CDH12: variants seen among roughly 807,000 people sequenced by gnomAD.
The protein encoded by CDH12 is cadherin 12, also known as cadherin-12.
Under a neutral mutation model 74.1 loss-of-function variants are expected in CDH12, and 41 were observed. The observed-to-expected ratio is 0.55, with a 90% CI of 0.43 to 0.72. The LOEUF (loss-of-function observed/expected upper bound fraction) is 0.72. Among genes scored for constraint, CDH12 ranks in the 30% least tolerant of loss-of-function variants. CDH12 has a pLI of 0.00. For missense variants in CDH12, 945 were observed against 977.2 expected, an observed-to-expected ratio of 0.97 and a Z score of 0.44; for synonymous variants, 399 against 355.0, an observed-to-expected ratio of 1.12 and a Z score of -1.39.
intron 6 of CDH12, among the ~76,000 whole-genome samples, chr5:21,941,658 G>A (rs1189283452): frequency 1.3e-5 from 2 of 151,924 alleles, no homozygotes; most frequent in Non-Finnish European, 2.9e-5. Flanking sequence ...TTTGCAAACT[G>A]TTTGCTGTTC....
chr5:22,059,506 A>G (rs1237576357), intron 5 of CDH12, among the ~76,000 whole-genome samples: 1 of 152,276 alleles, frequency 6.6e-6, no homozygotes. Context: ...ACAACACAAG[A>G]AAATTCCATT....
intron 5 of CDH12, among the ~76,000 whole-genome samples, chr5:22,008,598 T>C (rs577292832): frequency 6.6e-6 from 1 of 152,314 alleles, no homozygotes; most frequent in East Asian, 1.9e-4. Context: ...GGTTTGATCG[T>C]ATCCTTTGTT....
chr5:22,153,183 C>CTTTTT (rs70957094), intron 4 of CDH12, among the ~76,000 whole-genome samples: 1 of 138,490 alleles, frequency 7.2e-6, no homozygotes, highest in Non-Finnish European at 1.5e-5. Flanking sequence ...TTTTTCTTTT[C>CTTTTT]TTTTTTTTTT....
At chr5:21,821,539 A>G (rs1048051353) in intron 8 of CDH12, among the ~76,000 whole-genome samples, 1 of 151,940 alleles carries the variant, frequency 6.6e-6, no homozygotes, top group Non-Finnish European at 1.5e-5. Context: ...ACTTAAAAAA[A>G]AGGAAGTCAA....
intron 1 of CDH12, among the ~76,000 whole-genome samples, chr5:22,608,296 G>A (rs191403020): frequency 2.0e-5 from 3 of 152,326 alleles, no homozygotes; most frequent in Non-Finnish European, 4.4e-5. Context: ...AGTGAAAGGA[G>A]ATTATTTTGT....
chr5:22,113,782 G>T (rs1168038252), intron 4 of CDH12, among the ~76,000 whole-genome samples: 2 of 151,990 alleles, frequency 1.3e-5, no homozygotes, highest in Non-Finnish European at 2.9e-5. Flanking sequence ...TATCAAAATA[G>T]AATAATTTCT....
chr5:21,898,618 C>T (rs548428519), intron 6 of CDH12, among the ~76,000 whole-genome samples: 8 of 151,958 alleles, frequency 5.3e-5, no homozygotes, highest in Non-Finnish European at 4.4e-5. Flanking sequence ...AGGAGAATGG[C>T]GTGAACTTGG....
chr5:22,375,317 A>G (rs992648223), intron 3 of CDH12, among the ~76,000 whole-genome samples: 2 of 152,136 alleles, frequency 1.3e-5, no homozygotes, highest in African/African-American at 4.8e-5. Flanking sequence ...AGACTTACAC[A>G]TAAGAACTGA....
At chr5:22,365,870 T>C (rs895074161) in intron 3 of CDH12, among the ~76,000 whole-genome samples, 2 of 152,204 alleles carry the variant, frequency 1.3e-5, no homozygotes, top group African/African-American at 4.8e-5. Flanking sequence ...CAGAGGAGCA[T>C]TAACAGTTTA....
chr5:22,091,864 G>A (rs1743455463), intron 4 of CDH12, among the ~76,000 whole-genome samples: 1 of 151,814 alleles, frequency 6.6e-6, no homozygotes, highest in South Asian at 2.1e-4. Context: ...ACACCCAGAA[G>A]CCATAGAAAG....
chr5:22,479,814 G>C (rs1339088929), intron 2 of CDH12, among the ~76,000 whole-genome samples: 2 of 152,098 alleles, frequency 1.3e-5, no homozygotes, highest in African/African-American at 4.8e-5. Context: ...TTTTTGTAAT[G>C]TTTCATATGT....
intron 2 of CDH12, among the ~76,000 whole-genome samples, chr5:22,491,627 A>AC (rs1554044838): frequency 6.6e-6 from 1 of 151,284 alleles, no homozygotes; most frequent in South Asian, 2.1e-4. Context: ...AAAAACAAAA[A>AC]AAAAAACAAA....
chr5:22,040,928 A>C (rs1739529116), intron 5 of CDH12, among the ~76,000 whole-genome samples: 1 of 152,184 alleles, frequency 6.6e-6, no homozygotes, highest in African/African-American at 2.4e-5. Flanking sequence ...ATAGTACTAT[A>C]TAAATCATAT....
intron 5 of CDH12, among the ~76,000 whole-genome samples, chr5:22,058,550 T>C (rs565208000): frequency 2.0e-5 from 3 of 152,012 alleles, no homozygotes; most frequent in East Asian, 1.9e-4. Flanking sequence ...TTTTTGTATA[T>C]AGATTACCGC....
At chr5:22,467,324 C>T (rs1166875513) in intron 2 of CDH12, among the ~76,000 whole-genome samples, 3 of 152,136 alleles carry the variant, frequency 2.0e-5, no homozygotes, top group Non-Finnish European at 4.4e-5. Context: ...GATGGCCTGT[C>T]AAGAATCCCC....
At chr5:22,337,049 C>T (rs1425184648) in intron 3 of CDH12, among the ~76,000 whole-genome samples, 1 of 152,208 alleles carries the variant, frequency 6.6e-6, no homozygotes, top group Non-Finnish European at 1.5e-5. Context: ...GAATGGGAGA[C>T]ACAGAGTCAA....
intron 3 of CDH12, among the ~76,000 whole-genome samples, chr5:22,300,927 A>T (rs2150419632): frequency 6.6e-6 from 1 of 152,340 alleles, no homozygotes; most frequent in East Asian, 1.9e-4. Context: ...TCAATTAAAC[A>T]ATATTTAGTA....
At chr5:22,601,047 G>A (rs549368438) in intron 1 of CDH12, among the ~76,000 whole-genome samples, 34 of 152,166 alleles carry the variant, frequency 2.2e-4, no homozygotes, top group Middle Eastern at 3.4e-3. Flanking sequence ...ACTTGACATT[G>A]TGCCAGAAAT....
intron 3 of CDH12, among the ~76,000 whole-genome samples, chr5:22,347,137 T>C (rs1740149864): frequency 6.6e-6 from 1 of 152,212 alleles, no homozygotes; most frequent in Admixed American, 6.5e-5. Flanking sequence ...GAATATTGAT[T>C]GTCAACTTGA....
Sources: gnomAD v4.1 joint callset for allele counts (sites outside exome capture counted in the v4.1 genomes callset) on GRCh38, gnomAD v4.1.1 for gene constraint, MANE v1.5 for transcripts, NCBI Gene and HGNC (gene_info 2026-07-23, HGNC 2026-07-21) for gene names.